Variants in KIT observed in about 807,000 individuals in gnomAD.
KIT encodes the protein mast/stem cell growth factor receptor Kit.
In KIT, 16 loss-of-function variants were observed where a neutral mutation model predicts 105.7. The ratio of observed to expected loss-of-function variants is 0.15; its 90% confidence interval spans 0.10 to 0.23. The LOEUF (loss-of-function observed/expected upper bound fraction) is 0.23, where lower values mean the gene tolerates loss of function less well. Ranked by LOEUF, KIT falls within the 10% of genes least tolerant of loss-of-function variation. KIT has a pLI of 1.00. For synonymous variants in KIT, 438 were observed against 441.1 expected (o/e 0.99, Z 0.09); for missense variants, 858 against 1,213.8 (o/e 0.71, Z 4.36).
chr4:54,676,575 C>T (rs926546546), intron 1 of KIT, among the ~76,000 whole-genome samples: 14 of 152,234 alleles, frequency 9.2e-5, no homozygotes, highest in African/African-American at 3.1e-4. Context: ...GTAGAGGCTT[C>T]GAGAAACCTG....
chr4:54,711,130 C>T (rs932020632), intron 7 of KIT, among the ~76,000 whole-genome samples: 1 of 152,196 alleles, frequency 6.6e-6, no homozygotes, highest in African/African-American at 2.4e-5. Context: ...ATCCTTCTGC[C>T]TTGTCCTCCC....
intron 7 of KIT, among the ~76,000 whole-genome samples, chr4:54,721,190 A>G (rs987037830): frequency 9.9e-5 from 15 of 152,208 alleles, no homozygotes; most frequent in African/African-American, 3.6e-4. Flanking sequence ...AAGATCTTGC[A>G]TACCAGCGTC....
intron 7 of KIT, among the ~76,000 whole-genome samples, chr4:54,709,890 G>A (rs371152447): frequency 6.6e-6 from 1 of 152,184 alleles, no homozygotes; most frequent in African/African-American, 2.4e-5. Context: ...GAATTACTGC[G>A]TTAGGTAGGG....
chr4:54,667,421 A>G lies in KIT; in HGVS notation c.67+9340A>G, dbSNP rs147879947. ...GGAAGATGGTCCTGGGTAGGCGCCA[A>G]TGTTACAGGATTTGTAATAAGATTT... is the stretch of plus-strand genomic sequence containing the variant. On this transcript the variant is annotated intron_variant, in intron 1 of 20. Coordinates refer to ENST00000288135, the MANE Select transcript of KIT (RefSeq NM_000222.3). 2.8e-3 allele frequency among the ~76,000 whole-genome samples: 419 copies of G among 152,300 alleles called. 1 individual carries two copies. The highest frequency in any genetic ancestry group is 9.3e-3 in the African/African-American group (385 of 41,562).
rs999025845 is a variant in KIT at position 54,703,879 on chromosome 4, C to T, written c.912C>T (p.Thr304=). Residue 304 remains threonine (T), a synonymous_variant, in exon 5 of 21, where the codon ACC becomes ACT. Coordinates refer to ENST00000288135, the MANE Select transcript of KIT (RefSeq NM_000222.3). ...NTFGSANVTT[T]LEVVDKGFIN... ...TTGGATCAGCAAATGTCACAACAACCTTGGAAGTAGTAGGTAAATACCTCT... is the reference window on the plus strand; with the variant it reads ...TTGGATCAGCAAATGTCACAACAACTTTGGAAGTAGTAGGTAAATACCTCT... The T allele has an allele frequency of 5.0e-6, 8 of 1,613,092 alleles. No homozygotes were observed. The Admixed American group carries it at 6.7e-5, about 13-fold the overall frequency.
Position 54,738,816 on chromosome 4 carries a change from G to A in KIT, c.*259G>A. ...CAGAAAACATTCTGATTTGGAAAAA[G>A]AGAGGGAGGTATGGACTGGGGGCCA... On this transcript the variant is annotated 3_prime_UTR_variant, in exon 21 of 21. Transcript: ENST00000288135. The A allele has an allele frequency of 8.2e-6, 5 of 606,492 alleles. No homozygotes were observed. The highest frequency in any genetic ancestry group is 1.2e-5 in the Non-Finnish European group (4 of 341,342). 37.6% of individuals were successfully genotyped at this position (606,492 alleles called of 1,614,324 possible). A position where few individuals can be genotyped will look rare whatever the true frequency, so the allele number is the denominator to read the frequency against.
chr4:54,665,067 C>G (rs985747029), intron 1 of KIT, among the ~76,000 whole-genome samples: 10 of 152,190 alleles, frequency 6.6e-5, no homozygotes, highest in Non-Finnish European at 1.0e-4. Context: ...CAGCTTCTGG[C>G]AACCACCATT....
chr4:54,702,657 G>A (rs1162931901), intron 4 of KIT, among the ~76,000 whole-genome samples: 2 of 152,016 alleles, frequency 1.3e-5, no homozygotes, highest in Non-Finnish European at 2.9e-5. Context: ...CATTTAGGTC[G>A]TTTCTGAGTT....
intron 1 of KIT, among the ~76,000 whole-genome samples, chr4:54,662,803 CCT>C (rs1468918301): frequency 6.6e-6 from 1 of 152,092 alleles, no homozygotes; most frequent in Non-Finnish European, 1.5e-5. Context: ...GAACCCCTGA[CCT>C]CAGGTGATCT....
chr4:54,719,403 A>G (rs1374333629), intron 7 of KIT, among the ~76,000 whole-genome samples: 2 of 152,188 alleles, frequency 1.3e-5, no homozygotes, highest in Non-Finnish European at 2.9e-5. Context: ...ATTTTCCAAG[A>G]TCACAAATCT....
intron 1 of KIT, among the ~76,000 whole-genome samples, chr4:54,678,172 G>A (rs563532371): frequency 1.4e-3 from 217 of 152,334 alleles, no homozygotes; most frequent in Non-Finnish European, 2.7e-3. Flanking sequence ...TCTGCCAGGA[G>A]TGTTGATAGC....
intron 1 of KIT, among the ~76,000 whole-genome samples, chr4:54,688,203 A>G (rs111493689): frequency 4.6e-5 from 7 of 152,134 alleles, no homozygotes; most frequent in African/African-American, 1.7e-4. Context: ...GTAAAGCCTC[A>G]TGGGTGTTGT....
chr4:54,688,829 C>T (rs1719498099), intron 1 of KIT, among the ~76,000 whole-genome samples: 1 of 152,162 alleles, frequency 6.6e-6, no homozygotes, highest in Non-Finnish European at 1.5e-5. Context: ...CAGGCTCTGC[C>T]CCAGTCACAG....
intron 17 of KIT, among the ~76,000 whole-genome samples, chr4:54,734,061 C>T (rs1355167127): frequency 3.3e-5 from 5 of 152,086 alleles, no homozygotes; most frequent in South Asian, 2.1e-4. Flanking sequence ...AAGAGTGTTT[C>T]TGTGTTTATC....
At chr4:54,703,271 A>G (rs1033591749) in intron 4 of KIT, among the ~76,000 whole-genome samples, 2 of 152,152 alleles carry the variant, frequency 1.3e-5, no homozygotes, top group Non-Finnish European at 2.9e-5. Flanking sequence ...TTCTGTTTTC[A>G]TTCTTGCAAA....
At chr4:54,672,020 CATA>C (rs1718143486) in intron 1 of KIT, among the ~76,000 whole-genome samples, 1 of 152,072 alleles carries the variant, frequency 6.6e-6, no homozygotes, top group Non-Finnish European at 1.5e-5. Flanking sequence ...AATATAATTA[CATA>C]ATGTCATTGA....
Position 54,725,882 on chromosome 4 carries a change from G to A in KIT, c.1372G>A (p.Asp458Asn), listed in dbSNP as rs1722185166. 1 of 1,613,906 alleles carries A rather than the reference G, an allele frequency of 6.2e-7. No homozygotes were observed. Among genetic ancestry groups the A allele is most frequent in the African/African-American group, 1.3e-5 (1 of 74,886 alleles). Reference sequence around the variant, plus strand: ...ATGCTCTGCTTCTGTACTGCCAGTGGATGTGCAGACACTAAACTCATCTGG... The same window carrying A: ...ATGCTCTGCTTCTGTACTGCCAGTGAATGTGCAGACACTAAACTCATCTGG... The part of the protein sequence containing the change: ...QRCSASVLPV[D>N]VQTLNSSGPP... The change falls in exon 9 of 21, where the codon GAT becomes AAT. Residue 458 changes from aspartate to asparagine, a missense_variant. Around this residue, in one of 7 missense-constraint regions of KIT, gnomAD observed 401 missense variants for 601.0 expected, o/e 0.67. Transcript: ENST00000288135.
At position 54,695,743 on chromosome 4, in the gene KIT, A is replaced by T; in HGVS notation, c.299A>T (p.Lys100Ile). 1 of 1,614,256 alleles carries T rather than the reference A, an allele frequency of 6.2e-7. No homozygotes were observed. Among genetic ancestry groups the T allele is most frequent in the Non-Finnish European group, 8.5e-7 (1 of 1,180,040 alleles). Residue 100 changes from lysine (K) to isoleucine (I), a missense_variant, in exon 2 of 21, where the codon AAA (lysine) becomes ATA (isoleucine). By Grantham distance (102) the Lys-to-Ile change is moderately radical. Coordinates refer to ENST00000288135, the MANE Select transcript of KIT (RefSeq NM_000222.3). ...TNTGKYTCTN[K>I]HGLSNSIYVF... is the part of the protein sequence containing the mutation. ...ACCGGCAAATACACGTGCACCAACAAACACGGCTTAAGCAATTCCATTTAT... is the reference window on the plus strand; with the variant it reads ...ACCGGCAAATACACGTGCACCAACATACACGGCTTAAGCAATTCCATTTAT...
At position 54,726,043 on chromosome 4, in the gene KIT, C is replaced by T. The variant is rs1232688220; in HGVS notation, c.1533C>T (p.Asn511=). The change falls in exon 9 of 21, where the codon AAC becomes AAT. Residue 511 remains asparagine, a synonymous_variant. Transcript: ENST00000288135. Reference sequence around the variant, plus strand: ...ATTTTAACTTTGCATTTAAAGGTAACAACAAAGGTATATTTCTTTTTAATC... The same window carrying T: ...ATTTTAACTTTGCATTTAAAGGTAATAACAAAGGTATATTTCTTTTTAATC... ...SAYFNFAFKG[N]NKEQIHPHTL... is the part of the protein sequence containing the mutation. The T allele has an allele frequency of 1.9e-6, 3 of 1,612,582 alleles. No individual in the cohort carries two copies. Among genetic ancestry groups the T allele is most frequent in the Middle Eastern group, 3.3e-4 (2 of 6,078 alleles).
Sources: allele counts gnomAD v4.1 joint callset (sites outside exome capture counted in the v4.1 genomes callset), GRCh38; gene constraint gnomAD v4.1.1; regional missense constraint gnomAD v4.1.1; transcripts MANE v1.5; gene names NCBI Gene and HGNC (gene_info 2026-07-23, HGNC 2026-07-21).